Variants in AKAP9 observed in about 807,000 individuals in gnomAD.
AKAP9 encodes the protein A-kinase anchor protein 9.
A neutral mutation model predicts 488.5 loss-of-function variants in AKAP9; 311 were observed. That is an observed-to-expected ratio of 0.64 (90% confidence interval 0.58 to 0.70). The LOEUF is 0.70. AKAP9 is among the 30% of genes least tolerant of loss of function. The pLI is 0.00. For synonymous variants in AKAP9, 1,462 were observed against 1,483.5 expected (o/e 0.99, Z 0.33); for missense variants, 4,215 against 4,374.5 (o/e 0.96, Z 1.03).
At chr7:92,031,137 A>AT (rs1804169575) in intron 15 of AKAP9, among the ~76,000 whole-genome samples, 1 of 152,364 alleles carries the variant, frequency 6.6e-6, no homozygotes, top group Admixed American at 6.5e-5. Context: ...AGAAAACAAA[A>AT]TTTGCTTGTA....
At chr7:91,943,762 C>A (rs1391393589) in intron 1 of AKAP9, among the ~76,000 whole-genome samples, 1 of 152,142 alleles carries the variant, frequency 6.6e-6, no homozygotes, top group African/African-American at 2.4e-5. Flanking sequence ...TGTTACTTTC[C>A]TAGCACGGTT....
chr7:92,000,106 T>C (rs983326358), intron 7 of AKAP9, among the ~76,000 whole-genome samples: 1 of 152,244 alleles, frequency 6.6e-6, no homozygotes, highest in Non-Finnish European at 1.5e-5. Context: ...CAGATATGCC[T>C]TGGCCTGTGT....
chr7:91,962,602 G>C (rs1257274305), intron 1 of AKAP9, among the ~76,000 whole-genome samples: 1 of 152,072 alleles, frequency 6.6e-6, no homozygotes, highest in East Asian at 1.9e-4. Flanking sequence ...GAGAACAAAA[G>C]AAAGCCCTAA....
intron 12 of AKAP9, among the ~76,000 whole-genome samples, chr7:92,018,264 C>T (rs1278534707): frequency 6.6e-6 from 1 of 151,832 alleles, no homozygotes; most frequent in African/African-American, 2.4e-5. Context: ...ACATGCCTGT[C>T]GTCCCAGCTA....
chr7:91,971,644 T>G lies in AKAP9; in HGVS notation c.49-2067T>G, dbSNP rs368655400. On this transcript the variant is annotated intron_variant, in intron 1 of 49. Transcript: ENST00000356239. Reference sequence around the variant, plus strand: ...GTGCAGTGGCGCGATTTCAGCTCACTGCAAGCTCTGCCTCCCGGGTTCACG... The same window carrying G: ...GTGCAGTGGCGCGATTTCAGCTCACGGCAAGCTCTGCCTCCCGGGTTCACG... Among the ~76,000 whole-genome samples the G allele has an allele frequency of 2.9e-5, 4 of 137,424 alleles. 1 individual carries two copies. 90.2% of individuals were successfully genotyped at this position (137,424 alleles called of 152,430 possible).
intron 36 of AKAP9, 69 bp from the exon 37 acceptor site, chr7:92,086,159 T>G (rs1355218321): frequency 9.5e-6 from 12 of 1,261,082 alleles, no homozygotes; most frequent in Non-Finnish European, 1.3e-5. Context: ...CTTTGTAGAT[T>G]AATATTTTTA....
chr7:91,995,439 G>T (rs1798277463), intron 6 of AKAP9, among the ~76,000 whole-genome samples, 164 bp from the exon 7 acceptor site: 1 of 152,096 alleles, frequency 6.6e-6, no homozygotes, highest in Admixed American at 6.6e-5. Context: ...AAGTTTATTG[G>T]CTCGGCTTGG....
intron 1 of AKAP9, among the ~76,000 whole-genome samples, chr7:91,961,410 T>A (rs1168632298): frequency 2.0e-5 from 3 of 151,336 alleles, no homozygotes; most frequent in African/African-American, 4.9e-5. Flanking sequence ...TCTCCTGACC[T>A]CAGGGGATCC....
chr7:92,079,120 C>A lies in AKAP9; in HGVS notation c.6987C>A (p.Thr2329=). ...EKNELIRDLE[T]QIECLMSDQE... ...ATGAACTGATAAGGGATCTTGAAAC[C>A]CAAATAGAATGTTTGATGAGTGATC... is the stretch of plus-strand genomic sequence containing the variant. Residue 2329 remains threonine (T), a synonymous_variant, in exon 31 of 50, where the codon ACC becomes ACA. Coordinates refer to ENST00000356239, the MANE Select transcript of AKAP9 (RefSeq NM_005751.5). 1 of 1,612,356 alleles carries A rather than the reference C, an allele frequency of 6.2e-7. No homozygotes were observed. Among genetic ancestry groups the A allele is most frequent in the Non-Finnish European group, 8.5e-7 (1 of 1,179,436 alleles).
chr7:91,980,574 T>G (rs1796289327), intron 3 of AKAP9, among the ~76,000 whole-genome samples: 1 of 149,946 alleles, frequency 6.7e-6, no homozygotes, highest in Non-Finnish European at 1.5e-5. Context: ...CTGTTTTAGT[T>G]TCTGGAAAGT....
At position 91,974,062 on chromosome 7, in the gene AKAP9, T is replaced by C. The variant is rs1584651867; in HGVS notation, c.306+94T>C. The C allele has an allele frequency of 5.4e-5, 79 of 1,454,022 alleles. 2 individuals are homozygous for C. In the South Asian group the frequency reaches 8.5e-4, roughly 16 times the overall value. 90.1% of individuals were successfully genotyped at this position (1,454,022 alleles called of 1,614,324 possible). A position where few individuals can be genotyped will look rare whatever the true frequency, so the allele number is the denominator to read the frequency against. On this transcript the variant is annotated intron_variant, in intron 2 of 49. Coordinates refer to ENST00000356239, the MANE Select transcript of AKAP9 (RefSeq NM_005751.5). ...GCAACTGTGCGCAATTTGATCATGA[T>C]TTTTATGTCCTCTTGAAAGTTTTAG...
Position 92,002,760 on chromosome 7 carries a change from C to A in AKAP9, c.2843C>A (p.Thr948Asn), listed in dbSNP as rs1256450704. The change falls in exon 8 of 50, where the codon ACC becomes AAC. Residue 948 changes from threonine (T) to asparagine (N), a missense_variant. By Grantham distance (65) the Thr-to-Asn change is moderately conservative. Transcript: ENST00000356239. ...TTELMEKLEV[T>N]KREKLELSQR... ...GAACTCATGGAAAAACTTGAGGTAACCAAGCGAGAGAAATTAGAGCTGTCA... is the reference window on the plus strand; with the variant it reads ...GAACTCATGGAAAAACTTGAGGTAAACAAGCGAGAGAAATTAGAGCTGTCA... 2.5e-6 allele frequency: 4 copies of A among 1,613,548 alleles called. No homozygotes were observed. Among genetic ancestry groups the A allele is most frequent in the Non-Finnish European group, 3.4e-6 (4 of 1,179,684 alleles).
intron 11 of AKAP9, 147 bp from the exon 12 acceptor site, chr7:92,016,870 G>T: frequency 1.6e-6 from 1 of 625,704 alleles, no homozygotes. Flanking sequence ...TCACATGAAT[G>T]AGATTTCAAT....
At chr7:92,109,991 C>T in intron 49 of AKAP9, 131 bp from the exon 50 acceptor site, 1 of 714,860 alleles carries the variant, frequency 1.4e-6, no homozygotes, top group South Asian at 1.6e-5. Context: ...ATGAAGAGGA[C>T]ATTTTAAGGA....
At position 92,002,251 on chromosome 7, in the gene AKAP9, C is replaced by T; in HGVS notation, c.2334C>T (p.Ser778=). 1 of 1,600,316 alleles carries T rather than the reference C, an allele frequency of 6.2e-7. No individual in the cohort carries two copies. The highest frequency in any genetic ancestry group is 1.2e-5 in the South Asian group (1 of 86,662). ...TTGCACAACTTGAAGCAGAGAATAG[C>T]ATTCTTAAAGATGAAAAGAAAACCC... is the stretch of plus-strand genomic sequence containing the variant. ...EKFAQLEAEN[S]ILKDEKKTLE... The change falls in exon 8 of 50, where the codon AGC becomes AGT. Residue 778 remains serine, a synonymous_variant. Coordinates refer to ENST00000356239, the MANE Select transcript of AKAP9 (RefSeq NM_005751.5).
intron 3 of AKAP9, among the ~76,000 whole-genome samples, chr7:91,987,527 A>G (rs940161685): frequency 1.3e-5 from 2 of 152,352 alleles, no homozygotes; most frequent in South Asian, 2.1e-4. Flanking sequence ...ATGGATTCAC[A>G]ACGGATTATA....
At chr7:92,063,462 G>A in intron 24 of AKAP9, 1 of 979,756 alleles carries the variant, frequency 1.0e-6, no homozygotes, top group Non-Finnish European at 1.2e-6. Flanking sequence ...ATTTTCCTAG[G>A]ACTAGTAGAT....
At chr7:92,039,072 A>T (rs1805633834) in intron 17 of AKAP9, among the ~76,000 whole-genome samples, 1 of 152,012 alleles carries the variant, frequency 6.6e-6, no homozygotes, top group African/African-American at 2.4e-5. Flanking sequence ...CATCCAGCTA[A>T]TTTTTGTATT....
intron 22 of AKAP9, among the ~76,000 whole-genome samples, chr7:92,056,665 A>T (rs1316637886): frequency 6.6e-6 from 1 of 151,852 alleles, no homozygotes; most frequent in African/African-American, 2.4e-5. Context: ...GCTACAAGCC[A>T]TCTCCCTGTA....
Sources: gnomAD v4.1 joint callset for allele counts (sites outside exome capture counted in the v4.1 genomes callset) on GRCh38, gnomAD v4.1.1 for gene constraint, MANE v1.5 for transcripts, NCBI Gene and HGNC (gene_info 2026-07-23, HGNC 2026-07-21) for gene names.